MGST1: variants seen among roughly 807,000 people sequenced by gnomAD.
The protein encoded by MGST1 is glutathione S-transferase 12.
Under a neutral mutation model 8.9 loss-of-function variants are expected in MGST1, and 5 were observed. The observed-to-expected ratio is 0.56, with a 90% CI of 0.29 to 1.19. The LOEUF is 1.19. Among genes scored for constraint, MGST1 ranks in the 50% most tolerant of loss-of-function variants. The pLI is 0.08. For synonymous variants in MGST1, 54 were observed against 67.8 expected (o/e 0.80, Z 1.00); for missense variants, 182 against 187.4 (o/e 0.97, Z 0.17).
intron 1 of MGST1, among the ~76,000 whole-genome samples, chr12:16,353,232 A>T (rs979035498): frequency 6.6e-6 from 1 of 151,968 alleles, no homozygotes; most frequent in East Asian, 1.9e-4. Flanking sequence ...ACGGGGTTTC[A>T]CTGTGTCAGC....
At chr12:16,432,725 CACACACAGAG>C (rs1406038054) in intron 1 of MGST1, among the ~76,000 whole-genome samples, 1 of 99,972 alleles carries the variant, frequency 1.0e-5, no homozygotes, top group African/African-American at 4.1e-5. Context: ...CACACACACA[CACACACAGAG>C]AGAGAGAATA....
chr12:16,525,991 G>C (rs1186168594), intron 4 of MGST1, among the ~76,000 whole-genome samples: 4 of 148,872 alleles, frequency 2.7e-5, no homozygotes, highest in African/African-American at 1.0e-4. Flanking sequence ...TGATGGGGTT[G>C]TTTGTTTTTT....
Position 16,429,554 on chromosome 12 carries a change from T to A in MGST1, n.779-7834T>A, listed in dbSNP as rs574911494. Among the ~76,000 whole-genome samples the A allele has an allele frequency of 8.5e-5, 13 of 152,240 alleles. No homozygotes were observed. The South Asian group carries it at 2.7e-3, about 32-fold the overall frequency. On this transcript the variant is annotated intron_variant and non_coding_transcript_variant, in intron 1 of 1. Transcript: ENST00000359720. ...TAGGTATGCTAACTAAAGAAAGGTT[T>A]AGTTCCTGACCAATAAGATGGAGCA... is the stretch of plus-strand genomic sequence containing the variant.
At chr12:16,484,391 G>T (rs534327075) in intron 4 of MGST1, among the ~76,000 whole-genome samples, 3 of 151,210 alleles carry the variant, frequency 2.0e-5, no homozygotes, top group African/African-American at 7.2e-5. Flanking sequence ...GCACGATAAA[G>T]AATCTGTTTT....
chr12:16,496,861 A>G (rs1453877165), intron 4 of MGST1, among the ~76,000 whole-genome samples: 1 of 152,174 alleles, frequency 6.6e-6, no homozygotes, highest in East Asian at 1.9e-4. Context: ...CAGGAAAAAA[A>G]ATAAAAAGAA....
intron 3 of MGST1, chr12:16,370,515 C>T (rs1289562304): frequency 6.6e-6 from 1 of 152,070 alleles, no homozygotes; most frequent in Non-Finnish European, 1.5e-5. Context: ...ATATTATCTT[C>T]TATGGGTTGT....
intron 3 of MGST1, among the ~76,000 whole-genome samples, chr12:16,370,938 T>C (rs1198903385): frequency 6.6e-6 from 1 of 152,184 alleles, no homozygotes; most frequent in Non-Finnish European, 1.5e-5. Context: ...TTAAATAGCA[T>C]TTTGTGGGTT....
Position 16,399,429 on chromosome 12 carries a change from T to C in MGST1, n.778+15825T>C, listed in dbSNP as rs1940633857. On this transcript the variant is annotated intron_variant and non_coding_transcript_variant, in intron 1 of 1. Transcript: ENST00000359720. ...TTCTTCCTTATAACAACTTTCTTGG[T>C]CCGCTTTTCGGGCTTCTTCCTCCAG... The C allele has an allele frequency of 8.5e-6, 13 of 1,533,062 alleles. No homozygotes were observed. In the South Asian group the frequency reaches 1.3e-4, roughly 16 times the overall value. The allele number at this position is 1,533,062 out of a possible 1,614,324, so 95.0% of individuals were successfully genotyped here.
downstream of MGST1, among the ~76,000 whole-genome samples, chr12:16,379,448 A>G (rs1940428283): frequency 6.6e-6 from 1 of 152,194 alleles, no homozygotes; most frequent in South Asian, 2.1e-4. Flanking sequence ...GCTGGATTAC[A>G]TTTATTGATT....
intron 4 of MGST1, among the ~76,000 whole-genome samples, chr12:16,556,217 T>G (rs1437408554): frequency 6.6e-6 from 1 of 152,230 alleles, no homozygotes; most frequent in Non-Finnish European, 1.5e-5. Flanking sequence ...TTTATTGTGT[T>G]TTCTAAGGAG....
intron 3 of MGST1, among the ~76,000 whole-genome samples, chr12:16,371,733 T>A (rs1940297496): frequency 6.6e-6 from 1 of 152,118 alleles, no homozygotes; most frequent in Non-Finnish European, 1.5e-5. Context: ...CTAAAAAATA[T>A]GGAAATTTGT....
At chr12:16,494,115 G>A (rs1471819598) in intron 4 of MGST1, among the ~76,000 whole-genome samples, 1 of 152,076 alleles carries the variant, frequency 6.6e-6, no homozygotes, top group Non-Finnish European at 1.5e-5. Context: ...AAAGCGGTAT[G>A]TTCCCTGATT....
chr12:16,363,715 A>G lies in MGST1; in HGVS notation c.222-80A>G. ...TAAGGATCCATTAGTGCTCAGATTT[A>G]GTTTTTAGAAGAGAGAGAAAAAAGG... On this transcript the variant is annotated intron_variant, in intron 3 of 3. Coordinates refer to ENST00000396210, the MANE Select transcript of MGST1 (RefSeq NM_020300.5). This position sits in a 1 kb window ranked among gnomAD's most constrained non-coding sequence, Gnocchi z 4.6. 1 of 1,215,752 alleles carries G rather than the reference A, an allele frequency of 8.2e-7. No homozygotes were observed. Among genetic ancestry groups the G allele is most frequent in the Non-Finnish European group, 1.1e-6 (1 of 897,666 alleles). 75.3% of individuals were successfully genotyped at this position (1,215,752 alleles called of 1,614,324 possible).
At chr12:16,493,965 C>G (rs1388375690) in intron 4 of MGST1, among the ~76,000 whole-genome samples, 3 of 152,080 alleles carry the variant, frequency 2.0e-5, no homozygotes, top group Non-Finnish European at 4.4e-5. Flanking sequence ...GTCCCTCAAT[C>G]TAAATATCTC....
At chr12:16,569,537 G>A (rs532625802) in intron 4 of MGST1, among the ~76,000 whole-genome samples, 144 of 152,122 alleles carry the variant, frequency 9.5e-4, no homozygotes, top group Non-Finnish European at 1.7e-3. Flanking sequence ...TGCTATTTAT[G>A]ATCAGCACAG....
intron 2 of MGST1, among the ~76,000 whole-genome samples, chr12:16,355,740 T>G (rs1939690137): frequency 6.6e-6 from 1 of 152,190 alleles, no homozygotes; most frequent in Non-Finnish European, 1.5e-5. Context: ...GGTCATGCAG[T>G]CATTTTACAC....
intron 4 of MGST1, among the ~76,000 whole-genome samples, chr12:16,520,331 GAGAC>G (rs1450927670): frequency 6.6e-5 from 10 of 152,142 alleles, no homozygotes; most frequent in Admixed American, 1.3e-4. Flanking sequence ...AAAACACTAA[GAGAC>G]AGACTATTCT....
intron 4 of MGST1, among the ~76,000 whole-genome samples, chr12:16,581,354 T>G (rs1377843664): frequency 6.6e-6 from 1 of 152,166 alleles, no homozygotes; most frequent in Non-Finnish European, 1.5e-5. Context: ...CAGTGCCTTC[T>G]TCTCTAAAAT....
exon 2 of MGST1, chr12:16,438,262 G>C (rs1226593295): frequency 1.1e-4 from 16 of 151,856 alleles, no homozygotes; most frequent in Admixed American, 9.2e-4. Flanking sequence ...AAGGAGAGGA[G>C]GACAAAAGTA....
Sources: gnomAD v4.1 joint callset for allele counts (sites outside exome capture counted in the v4.1 genomes callset) on GRCh38, gnomAD v4.1.1 for gene constraint, Gnocchi (gnomAD v3.1) non-coding constraint, MANE v1.5 for transcripts, NCBI Gene and HGNC (gene_info 2026-07-23, HGNC 2026-07-21) for gene names.